FBRSL1: variants seen among roughly 807,000 people sequenced by gnomAD.
FBRSL1 encodes the protein fibrosin like 1.
FBRSL1 carries 51 observed loss-of-function variants against 89.6 expected under a neutral mutation model. The ratio of observed to expected loss-of-function variants is 0.57; its 90% CI spans 0.45 to 0.72. The LOEUF (loss-of-function observed/expected upper bound fraction) is 0.72. FBRSL1 is among the 30% of genes least tolerant of loss of function. The pLI, the probability that FBRSL1 is intolerant of heterozygous loss-of-function variation, is 0.00. For missense variants in FBRSL1, 1,618 were observed against 1,451.8 expected (o/e 1.11, Z -1.86); for synonymous variants, 779 against 681.1 (o/e 1.14, Z -2.24).
At chr12:132,582,666 G>A (rs1239081809) in intron 18 of FBRSL1, among the ~76,000 whole-genome samples, 1 of 152,130 alleles carries the variant, frequency 6.6e-6, no homozygotes, top group Non-Finnish European at 1.5e-5. Context: ...GAGTTTGAGG[G>A]AGGAGTTCGG....
chr12:132,510,371 C>T lies in FBRSL1; in HGVS notation c.489+2021C>T, dbSNP rs979540364. 6 of 1,231,744 alleles carry T rather than the reference C, an allele frequency of 4.9e-6. No homozygotes were observed. The African/African-American group carries it at 6.2e-5, about 13-fold the overall frequency. The allele number at this position is 1,231,744 out of a possible 1,614,324, so 76.3% of individuals were successfully genotyped here. A position where few individuals can be genotyped will look rare whatever the true frequency, so the allele number is the denominator to read the frequency against. The stretch of plus-strand genomic sequence containing the variant: ...TGGCCCTGGGCCATCCCTGCCGGCC[C>T]CTGCGGTCCCGGTGGACCCGATCCT... On this transcript the variant is annotated intron_variant, in intron 2 of 18. Coordinates refer to ENST00000680143, the MANE Select transcript of FBRSL1 (RefSeq NM_001367871.1).
rs553136232 is a variant in FBRSL1 at position 132,508,149 on chromosome 12, G to T, written c.292-4G>T. Reference sequence around the variant, plus strand: ...TTAACTGGCGTTTCCCTGTCTCCCTGCAGAAGGATATGGCCCTGAAGCCAC... The same window carrying T: ...TTAACTGGCGTTTCCCTGTCTCCCTTCAGAAGGATATGGCCCTGAAGCCAC... On this transcript the variant is annotated splice_region_variant and splice_polypyrimidine_tract_variant and intron_variant, in intron 1 of 18. Coordinates refer to ENST00000680143, the MANE Select transcript of FBRSL1 (RefSeq NM_001367871.1). 6.4e-7 allele frequency: 1 copy of T among 1,550,930 alleles called. No individual in the cohort carries two copies. The highest frequency in any genetic ancestry group is 1.2e-5 in the South Asian group (1 of 84,058).
intron 4 of FBRSL1, among the ~76,000 whole-genome samples, chr12:132,533,260 A>G (rs1593375380): frequency 7.5e-6 from 1 of 132,912 alleles, no homozygotes; most frequent in East Asian, 2.3e-4. Flanking sequence ...CTCTCCCTGG[A>G]GTCAGAGAGC....
At chr12:132,582,358 C>T (rs1388242951) in intron 18 of FBRSL1, 92 bp downstream of exon 18, 4 of 1,077,870 alleles carry the variant, frequency 3.7e-6, no homozygotes, top group South Asian at 1.5e-5. Flanking sequence ...TCCCCCGTTC[C>T]CTCTTCTCCC....
chr12:132,547,133 C>T (rs1352462442), intron 4 of FBRSL1, among the ~76,000 whole-genome samples: 2 of 152,208 alleles, frequency 1.3e-5, no homozygotes, highest in Admixed American at 6.5e-5. Context: ...CTTCGTAGAG[C>T]TCTGCTTACT....
chr12:132,550,571 G>A (rs1479880532), intron 5 of FBRSL1, among the ~76,000 whole-genome samples: 3 of 152,186 alleles, frequency 2.0e-5, no homozygotes, highest in Non-Finnish European at 4.4e-5. Flanking sequence ...CCGTCTGTGT[G>A]ACCTTGGGGC....
chr12:132,559,342 GA>G (rs1406009300), intron 5 of FBRSL1, among the ~76,000 whole-genome samples: 1 of 152,240 alleles, frequency 6.6e-6, no homozygotes, highest in Non-Finnish European at 1.5e-5. Flanking sequence ...ACGGGTGGGG[GA>G]AGGGCTCCTC....
chr12:132,544,968 C>T (rs921439805), intron 4 of FBRSL1, among the ~76,000 whole-genome samples: 2 of 152,174 alleles, frequency 1.3e-5, no homozygotes, highest in South Asian at 4.1e-4. Context: ...TTATTTAAGC[C>T]ACACAGTAAT....
At chr12:132,536,966 CAGTG>C (rs1460173855) in intron 4 of FBRSL1, among the ~76,000 whole-genome samples, 37 of 152,190 alleles carry the variant, frequency 2.4e-4, no homozygotes, top group African/African-American at 8.7e-4. Context: ...GTAACGATCA[CAGTG>C]AGGCCAGGGG....
intron 1 of FBRSL1, among the ~76,000 whole-genome samples, chr12:132,505,863 G>T (rs2033623826): frequency 6.6e-6 from 1 of 152,272 alleles, no homozygotes; most frequent in Non-Finnish European, 1.5e-5. Context: ...ACCGTCTTAA[G>T]GTAGCAGGCG....
intron 5 of FBRSL1, chr12:132,560,020 AGCCCAGAGCGCACCGAGCGCC>A (rs1044578938): frequency 6.7e-6 from 1 of 149,108 alleles, no homozygotes; most frequent in Non-Finnish European, 1.5e-5. Context: ...TCCGCCCGGG[AGCCCAGAGCGCACCGAGCGCC>A]GCCCAGAGCG....
chr12:132,551,617 C>G, intron 5 of FBRSL1: 1 of 455,472 alleles, frequency 2.2e-6, no homozygotes, highest in Non-Finnish European at 4.4e-6. Flanking sequence ...TCACCCTGGG[C>G]TCTCCTGCCA....
chr12:132,565,532 T>TACACATACCCGAGTGTGCTCAC (rs1248376334), intron 5 of FBRSL1: 1 of 151,514 alleles, frequency 6.6e-6, no homozygotes, highest in Non-Finnish European at 1.5e-5. Flanking sequence ...AGTGTGCTCA[T>TACACATACCCGAGTGTGCTCAC]GTACACGTAC....
At chr12:132,570,978 G>A (rs563057652) in intron 8 of FBRSL1, 90 bp from the exon 9 acceptor site, 74 of 875,948 alleles carry the variant, frequency 8.4e-5, no homozygotes, top group South Asian at 4.2e-4. Context: ...GGACGGCCCC[G>A]TGTCCCGGGA....
At chr12:132,511,657 G>A in intron 2 of FBRSL1, 4 of 985,520 alleles carry the variant, frequency 4.1e-6, no homozygotes, top group Non-Finnish European at 4.8e-6. Context: ...GCCTGGTCTT[G>A]CCCAGCTGGG....
chr12:132,583,782 CG>C lies in FBRSL1; in HGVS notation c.*8del. ...CCCGGAGGTGGAGGCGCGGTAGCCC[CG>C]GGGCCGCAGACGCCTCTCCGAGCGG... On this transcript the variant is annotated 3_prime_UTR_variant, in exon 19 of 19. Coordinates refer to ENST00000680143, the MANE Select transcript of FBRSL1 (RefSeq NM_001367871.1). The C allele has an allele frequency of 8.2e-7, 1 of 1,213,072 alleles. No homozygotes were observed. 75.1% of individuals were successfully genotyped at this position (1,213,072 alleles called of 1,614,324 possible).
chr12:132,545,854 G>A (rs1177022883), intron 4 of FBRSL1, among the ~76,000 whole-genome samples: 3 of 152,246 alleles, frequency 2.0e-5, no homozygotes, highest in Non-Finnish European at 4.4e-5. Flanking sequence ...GCTCTGCAGC[G>A]CAAATTCAGC....
chr12:132,515,326 C>T (rs993188873), intron 2 of FBRSL1, among the ~76,000 whole-genome samples: 1 of 152,168 alleles, frequency 6.6e-6, no homozygotes, highest in Non-Finnish European at 1.5e-5. Context: ...TCCTCACTCC[C>T]CTGTCCTCCC....
rs1489767952 is a variant in FBRSL1 at position 132,582,346 on chromosome 12, C to T, written c.2201+80C>T. The T allele has an allele frequency of 5.5e-6, 7 of 1,265,642 alleles. No individual in the cohort carries two copies. In the Middle Eastern group the frequency reaches 5.9e-4, roughly 107 times the overall value. 78.4% of individuals were successfully genotyped at this position (1,265,642 alleles called of 1,614,324 possible). ...CCCCCTCCCGTCATCCCCGGTTCCCCCTCCCCCGTTCCCTCTTCTCCCCGT... is the reference window on the plus strand; with the variant it reads ...CCCCCTCCCGTCATCCCCGGTTCCCTCTCCCCCGTTCCCTCTTCTCCCCGT... On this transcript the variant is annotated intron_variant, in intron 18 of 18. Coordinates refer to ENST00000680143, the MANE Select transcript of FBRSL1 (RefSeq NM_001367871.1).
Sources: gnomAD v4.1 joint callset for allele counts (sites outside exome capture counted in the v4.1 genomes callset) on GRCh38, gnomAD v4.1.1 for gene constraint, MANE v1.5 for transcripts, NCBI Gene and HGNC (gene_info 2026-07-23, HGNC 2026-07-21) for gene names.